ZFHX3: variants seen among roughly 807,000 people sequenced by gnomAD.
ZFHX3 encodes the protein zinc finger homeobox 3, also known as zinc finger homeobox protein 3.
In ZFHX3, 42 loss-of-function variants were observed where a neutral mutation model predicts 279.1. That is an observed-to-expected ratio of 0.15 (90% confidence interval 0.12 to 0.19). ZFHX3 has a LOEUF of 0.19. Among genes scored for constraint, ZFHX3 ranks in the 10% least tolerant of loss-of-function variants. The pLI is 1.00. For missense variants in ZFHX3, 4,981 were observed against 4,754.0 expected (o/e 1.05, Z -1.40); for synonymous variants, 2,293 against 1,957.8 (o/e 1.17, Z -4.52).
chr16:73,095,155 G>C (rs144805675), intron 7 of ZFHX3, among the ~76,000 whole-genome samples: 2,094 of 151,744 alleles, frequency 0.014, 16 homozygotes, highest in South Asian at 0.023. Flanking sequence ...AAACTCCTGA[G>C]CTCAAGTGAT....
In ZFHX3 at chr16:72,797,085, G is replaced by A. The variant is rs1477682996; in HGVS notation, c.5597C>T (p.Ala1866Val). ...GGGGTGCTGGCTTGGCTGAAGGAGG[G>A]CAGAGTGACTCTGGGCTATAGAGAG... is the stretch of plus-strand genomic sequence containing the variant. ...NQLSIAQSHS[A>V]LLQPSQHPEK... Residue 1866 changes from alanine (A) to valine (V), a missense_variant, in exon 9 of 10, where the codon GCC (alanine) becomes GTC (valine). Coordinates refer to ENST00000268489, the MANE Select transcript of ZFHX3 (RefSeq NM_006885.4). 2 of 1,613,790 alleles carry A rather than the reference G, an allele frequency of 1.2e-6. No individual in the cohort carries two copies. The highest frequency in any genetic ancestry group is 1.7e-6 in the Non-Finnish European group (2 of 1,180,028).
chr16:73,848,645 G>C (rs973843454), intron 1 of ZFHX3, among the ~76,000 whole-genome samples: 1 of 152,140 alleles, frequency 6.6e-6, no homozygotes, highest in Non-Finnish European at 1.5e-5. Context: ...TTAAATCACA[G>C]GTTCATGGAT....
intron 1 of ZFHX3, among the ~76,000 whole-genome samples, chr16:72,994,728 T>C (rs190775522): frequency 2.4e-4 from 36 of 152,334 alleles, no homozygotes; most frequent in African/African-American, 7.7e-4. Context: ...TATTTCTAAT[T>C]AGCACTTCTC....
intron 1 of ZFHX3, among the ~76,000 whole-genome samples, chr16:73,852,098 A>G (rs1423640289): frequency 2.6e-5 from 4 of 152,238 alleles, no homozygotes; most frequent in Non-Finnish European, 4.4e-5. Flanking sequence ...ATACTTTCAC[A>G]TGTAAGCAAA....
At chr16:73,022,825 G>C (rs1964351934) in intron 1 of ZFHX3, among the ~76,000 whole-genome samples, 1 of 151,984 alleles carries the variant, frequency 6.6e-6, no homozygotes, top group Non-Finnish European at 1.5e-5. Context: ...TCACCACCCT[G>C]TTCTAGCCAG....
At chr16:73,713,496 T>C (rs1735658341) in intron 1 of ZFHX3, among the ~76,000 whole-genome samples, 1 of 152,212 alleles carries the variant, frequency 6.6e-6, no homozygotes, top group Admixed American at 6.5e-5. Context: ...AGCACCCAAC[T>C]GTCCATGCAA....
chr16:73,412,909 T>C (rs1430012510), intron 3 of ZFHX3, among the ~76,000 whole-genome samples: 1 of 152,226 alleles, frequency 6.6e-6, no homozygotes, highest in African/African-American at 2.4e-5. Flanking sequence ...TGCTACGCTG[T>C]TGAAGAGCAA....
Position 72,797,640 on chromosome 16 carries a change from C to T in ZFHX3, c.5042G>A (p.Ser1681Asn), listed in dbSNP as rs1456805197. ...AGIAPSSNLL[S>N]QVPTESVGMP... ...CCCTACACTCTCAGTGGGCACTTGG[C>T]TTAGTAAGTTAGAGCTTGGAGCAAT... Residue 1681 changes from serine (S) to asparagine (N), a missense_variant, in exon 9 of 10, where the codon AGC (serine) becomes AAC (asparagine). Physicochemically the swap from Ser to Asn is conservative, Grantham distance 46. Transcript: ENST00000268489. The T allele has an allele frequency of 1.2e-6, 2 of 1,614,154 alleles. No individual in the cohort carries two copies. The highest frequency in any genetic ancestry group is 8.5e-7 in the Non-Finnish European group (1 of 1,180,050).
At chr16:72,982,029 C>T (rs970429594) in intron 1 of ZFHX3, among the ~76,000 whole-genome samples, 29 of 151,986 alleles carry the variant, frequency 1.9e-4, no homozygotes, top group Admixed American at 1.9e-3. Context: ...ATTACACGCA[C>T]CTACCACCAT....
intron 2 of ZFHX3, among the ~76,000 whole-genome samples, chr16:73,650,169 T>C (rs1448499439): frequency 6.6e-6 from 1 of 152,154 alleles, no homozygotes; most frequent in African/African-American, 2.4e-5. Context: ...TAGCAGGACT[T>C]GTTATTCATA....
chr16:73,383,536 T>C (rs905402473), intron 3 of ZFHX3, among the ~76,000 whole-genome samples: 1 of 152,220 alleles, frequency 6.6e-6, no homozygotes, highest in Non-Finnish European at 1.5e-5. Context: ...TGACATTTTC[T>C]GCAAAGGGAA....
chr16:72,867,038 T>C (rs1157419276), intron 4 of ZFHX3, among the ~76,000 whole-genome samples: 2 of 152,204 alleles, frequency 1.3e-5, no homozygotes, highest in Non-Finnish European at 2.9e-5. Flanking sequence ...TAGAAAGTAA[T>C]TAAGAGTGCA....
At chr16:73,293,463 G>A (rs1283374663) in intron 4 of ZFHX3, among the ~76,000 whole-genome samples, 1 of 152,168 alleles carries the variant, frequency 6.6e-6, no homozygotes, top group African/African-American at 2.4e-5. Context: ...GTACTTTCAA[G>A]ATTTTGGTGC....
chr16:73,810,659 C>CA (rs1960402145), intron 1 of ZFHX3, among the ~76,000 whole-genome samples: 2 of 151,868 alleles, frequency 1.3e-5, no homozygotes, highest in Admixed American at 1.3e-4. Context: ...AATAGAAGCT[C>CA]AAAGAGATTA....
At chr16:73,587,754 T>C (rs1317150063) in intron 2 of ZFHX3, among the ~76,000 whole-genome samples, 1 of 152,218 alleles carries the variant, frequency 6.6e-6, no homozygotes, top group Non-Finnish European at 1.5e-5. Flanking sequence ...AATGTCAAAT[T>C]TTATTAAAAT....
At chr16:73,483,676 C>G (rs1452366774) in intron 2 of ZFHX3, among the ~76,000 whole-genome samples, 2 of 152,216 alleles carry the variant, frequency 1.3e-5, no homozygotes, top group Admixed American at 1.3e-4. Flanking sequence ...GGCCAAGCAG[C>G]TGTTTTACAT....
Position 72,784,822 on chromosome 16 carries a change from C to A in ZFHX3, c.*2342G>T, listed in dbSNP as rs1278243276. 1 of 152,308 alleles carries A rather than the reference C, an allele frequency of 6.6e-6. No homozygotes were observed. Among genetic ancestry groups the A allele is most frequent in the Non-Finnish European group, 1.5e-5 (1 of 67,960 alleles). The allele number at this position is 152,308 out of a possible 1,614,324, so 9.4% of individuals were successfully genotyped here. A position where few individuals can be genotyped will look rare whatever the true frequency, so the allele number is the denominator to read the frequency against. On this transcript the variant is annotated 3_prime_UTR_variant, in exon 10 of 10. Transcript: ENST00000268489. ...AATTAAAAAAGGAATTTGCACTGTG[C>A]ATCAGCCTAGTTAGAAATATGTACA...
intron 2 of ZFHX3, among the ~76,000 whole-genome samples, chr16:73,500,957 G>T (rs1050664216): frequency 6.6e-6 from 1 of 152,196 alleles, no homozygotes; most frequent in Non-Finnish European, 1.5e-5. Context: ...AATGGCCTAG[G>T]CCGTCACACT....
chr16:72,798,578 G>A lies in ZFHX3; in HGVS notation c.4104C>T (p.Asn1368=), dbSNP rs752598838. The A allele has an allele frequency of 6.2e-7, 1 of 1,614,184 alleles. No individual in the cohort carries two copies. The highest frequency in any genetic ancestry group is 1.1e-5 in the South Asian group (1 of 91,080). ...SGFICWKKGC[N]QVFKTSAALQ... Reference sequence around the variant, plus strand: ...GGGCAGCAGAAGTTTTGAAAACCTGGTTGCACCCCTTCTTCCAGCAGATGA... The same window carrying A: ...GGGCAGCAGAAGTTTTGAAAACCTGATTGCACCCCTTCTTCCAGCAGATGA... The change falls in exon 9 of 10, where the codon AAC becomes AAT. Residue 1368 remains asparagine, a synonymous_variant. Transcript: ENST00000268489.
Sources: allele counts gnomAD v4.1 joint callset (sites outside exome capture counted in the v4.1 genomes callset), GRCh38; gene constraint gnomAD v4.1.1; transcripts MANE v1.5; gene names NCBI Gene and HGNC (gene_info 2026-07-23, HGNC 2026-07-21).